The following KCNK2 variants were observed in gnomAD, a reference collection of about 807,000 sequenced individuals.
The protein encoded by KCNK2 is potassium channel subfamily K member 2.
KCNK2 carries 21 observed loss-of-function variants against 40.5 expected under a neutral mutation model. The ratio of observed to expected loss-of-function variants is 0.52; its 90% confidence interval spans 0.37 to 0.75. The LOEUF is 0.75. Ranked by LOEUF, KCNK2 falls within the 30% of genes least tolerant of loss-of-function variation. The pLI, the probability that KCNK2 is intolerant of heterozygous loss-of-function variation, is 0.00. For synonymous variants in KCNK2, 191 were observed against 202.2 expected (o/e 0.94, Z 0.47); for missense variants, 399 against 531.6 (o/e 0.75, Z 2.45).
chr1:215,140,964 A>C (rs1662145398), intron 3 of KCNK2, among the ~76,000 whole-genome samples: 1 of 151,990 alleles, frequency 6.6e-6, no homozygotes, highest in East Asian at 1.9e-4. Flanking sequence ...TTACATTCTT[A>C]TTTTATATGC....
intron 3 of KCNK2, among the ~76,000 whole-genome samples, chr1:215,141,096 C>T (rs948501378): frequency 2.0e-5 from 3 of 152,076 alleles, no homozygotes; most frequent in Non-Finnish European, 2.9e-5. Flanking sequence ...GTTCCACCTC[C>T]GTATTTTTTC....
At chr1:215,123,498 A>T (rs1420747885) in intron 2 of KCNK2, among the ~76,000 whole-genome samples, 2 of 152,056 alleles carry the variant, frequency 1.3e-5, no homozygotes, top group Admixed American at 1.3e-4. Context: ...TAATTCATAG[A>T]TTAAGACAAA....
intron 1 of KCNK2, among the ~76,000 whole-genome samples, chr1:215,028,391 A>ATAAAATAAAATAAAG (rs1329705235): frequency 6.6e-6 from 1 of 152,120 alleles, no homozygotes; most frequent in African/African-American, 2.4e-5. Context: ...ATCTCAAAAA[A>ATAAAATAAAATAAAG]TAAAATAAAA....
intron 1 of KCNK2, among the ~76,000 whole-genome samples, chr1:215,040,008 T>A (rs1395956522): frequency 6.6e-6 from 1 of 152,122 alleles, no homozygotes; most frequent in Non-Finnish European, 1.5e-5. Context: ...TGGACATTTT[T>A]ACAAGTGGGG....
intron 1 of KCNK2, among the ~76,000 whole-genome samples, chr1:215,077,122 T>C (rs1658972786): frequency 6.6e-6 from 1 of 152,190 alleles, no homozygotes; most frequent in Non-Finnish European, 1.5e-5. Context: ...GGCCCATGCC[T>C]GAACCAGTTG....
intron 6 of KCNK2, among the ~76,000 whole-genome samples, chr1:215,209,258 T>G (rs1480693063): frequency 2.1e-4 from 25 of 118,158 alleles, no homozygotes; most frequent in Non-Finnish European, 3.6e-4. Context: ...ACATATCTTA[T>G]ATATAAAATA....
chr1:215,142,355 C>T (rs546894609), intron 3 of KCNK2, among the ~76,000 whole-genome samples: 16 of 152,182 alleles, frequency 1.1e-4, no homozygotes, highest in Admixed American at 7.9e-4. Flanking sequence ...TTTCATGGAA[C>T]AACTTCTACA....
intron 1 of KCNK2, among the ~76,000 whole-genome samples, chr1:215,007,189 A>C (rs1205238304): frequency 4.4e-5 from 1 of 22,886 alleles, no homozygotes; most frequent in African/African-American, 1.9e-4. Flanking sequence ...GTGTGGGTAT[A>C]TATATATATA....
chr1:215,083,404 C>A lies in KCNK2; in HGVS notation c.19C>A (p.Arg7=), dbSNP rs755569227. Residue 7 remains arginine (R), a synonymous_variant, in exon 1 of 7, where the codon CGG becomes AGG. Transcript: ENST00000444842. MLPSAS[R]ERPGYRAGVA... is the part of the protein sequence containing the mutation. ...ATGCCTCATGCTTCCCAGCGCCTCG[C>A]GGGAGAGACCCGGCTATAGAGCAGG... 1.5e-5 allele frequency: 24 copies of A among 1,613,796 alleles called. No homozygotes were observed. The highest frequency in any genetic ancestry group is 2.0e-5 in the Non-Finnish European group (24 of 1,179,870).
At chr1:215,126,246 T>C (rs1360990997) in intron 3 of KCNK2, among the ~76,000 whole-genome samples, 6 of 152,134 alleles carry the variant, frequency 3.9e-5, no homozygotes, top group Non-Finnish European at 7.4e-5. Flanking sequence ...TTGCGCTGGA[T>C]CACATGCCAG....
chr1:215,056,950 AATAAT>A lies in KCNK2; in HGVS notation c.35-29415_35-29411del, dbSNP rs1362057937. Among the ~76,000 whole-genome samples, 7 of 152,358 alleles carry A rather than the reference AATAAT, an allele frequency of 4.6e-5. No homozygotes were observed. The South Asian group carries it at 1.2e-3, about 27-fold the overall frequency. ...TAAACTGCTTTATAGGTAGAATAGGAATAATATGAGTATTTATCTAAAATGTTTAT... is the reference window on the plus strand; with the variant it reads ...TAAACTGCTTTATAGGTAGAATAGGAATGAGTATTTATCTAAAATGTTTAT... On this transcript the variant is annotated intron_variant, in intron 1 of 6. Transcript: ENST00000391895.
At chr1:215,227,194 G>A (rs1352369795) in intron 6 of KCNK2, among the ~76,000 whole-genome samples, 1 of 152,202 alleles carries the variant, frequency 6.6e-6, no homozygotes, top group East Asian at 1.9e-4. Flanking sequence ...CATGAAGTCA[G>A]GAGAGCAATC....
At position 215,086,488 on chromosome 1, in the gene KCNK2, T is replaced by C. The variant is rs146913700; in HGVS notation, c.167T>C (p.Val56Ala). 4 of 1,613,938 alleles carry C rather than the reference T, an allele frequency of 2.5e-6. No homozygotes were observed. The highest frequency in any genetic ancestry group is 3.4e-6 in the Non-Finnish European group (4 of 1,179,996). The change falls in exon 2 of 7, where the codon GTT (valine) becomes GCT (alanine). Residue 56 changes from valine (V) to alanine (A), a missense_variant. Val to Ala is a moderately conservative substitution (Grantham distance 64). Coordinates refer to ENST00000444842, the MANE Select transcript of KCNK2 (RefSeq NM_001017425.3). ...GTGGAGAGTGACACGACCATTAATG[T>C]TATGAAATGGAAGACGGTCTCCACG... is the stretch of plus-strand genomic sequence containing the variant. ...SRVESDTTIN[V>A]MKWKTVSTIF...
intron 6 of KCNK2, among the ~76,000 whole-genome samples, chr1:215,214,365 TC>T (rs907407917): frequency 2.6e-5 from 4 of 152,048 alleles, no homozygotes; most frequent in Non-Finnish European, 4.4e-5. Flanking sequence ...GTGAAATCTG[TC>T]CCCATGATCT....
chr1:215,011,984 G>GT (rs1656415015), intron 1 of KCNK2, among the ~76,000 whole-genome samples: 1 of 152,104 alleles, frequency 6.6e-6, no homozygotes, highest in Admixed American at 6.6e-5. Flanking sequence ...TATATCAGTA[G>GT]TTTGTTTCTT....
intron 6 of KCNK2, among the ~76,000 whole-genome samples, chr1:215,199,936 A>G (rs1558135535): frequency 6.6e-6 from 1 of 152,064 alleles, no homozygotes; most frequent in Non-Finnish European, 1.5e-5. Flanking sequence ...TATTTCTTCT[A>G]TCGATGCCCA....
intron 1 of KCNK2, among the ~76,000 whole-genome samples, chr1:215,012,598 A>C (rs1442991942): frequency 6.7e-6 from 1 of 150,258 alleles, no homozygotes; most frequent in South Asian, 2.1e-4. Flanking sequence ...CAGCCTGCCA[A>C]GTAGCTGGGA....
At chr1:215,045,052 G>A (rs1327466939) in intron 1 of KCNK2, among the ~76,000 whole-genome samples, 2 of 151,820 alleles carry the variant, frequency 1.3e-5, no homozygotes, top group East Asian at 1.9e-4. Flanking sequence ...GTGCAGTGGC[G>A]GGCGCCTGTA....
intron 2 of KCNK2, among the ~76,000 whole-genome samples, chr1:215,111,283 G>A (rs988253153): frequency 6.6e-6 from 1 of 151,982 alleles, no homozygotes; most frequent in Admixed American, 6.6e-5. Flanking sequence ...GTGAGAGTGG[G>A]CCTCCTTGTC....
Sources: gnomAD v4.1 joint callset for allele counts (sites outside exome capture counted in the v4.1 genomes callset) on GRCh38, gnomAD v4.1.1 for gene constraint, MANE v1.5 for transcripts, NCBI Gene and HGNC (gene_info 2026-07-23, HGNC 2026-07-21) for gene names.